PSEN1: variants seen among roughly 807,000 people sequenced by gnomAD.
The protein encoded by PSEN1 is presenilin-1.
A neutral mutation model predicts 53.5 loss-of-function variants in PSEN1; 15 were observed. The observed-to-expected ratio is 0.28, with a 90% CI of 0.19 to 0.43. The LOEUF (loss-of-function observed/expected upper bound fraction) is 0.43. Ranked by LOEUF, PSEN1 falls within the 20% of genes least tolerant of loss-of-function variation. The probability of loss-of-function intolerance (pLI) is 1.00; values close to 1 mark genes in which losing one functional copy is unlikely to be tolerated. For missense variants in PSEN1, 387 were observed against 571.2 expected, an observed-to-expected ratio of 0.68 and a Z score of 3.29; for synonymous variants, 208 against 209.8, an observed-to-expected ratio of 0.99 and a Z score of 0.08.
At chr14:73,200,497 C>T (rs894432060) in intron 8 of PSEN1, among the ~76,000 whole-genome samples, 1 of 152,084 alleles carries the variant, frequency 6.6e-6, no homozygotes, top group Non-Finnish European at 1.5e-5. Context: ...CTCAAGTGAT[C>T]CAACTGCCTC....
At chr14:73,204,808 G>A (rs148912177) in intron 8 of PSEN1, among the ~76,000 whole-genome samples, 2,219 of 152,090 alleles carry the variant, frequency 0.015, 46 homozygotes, top group African/African-American at 0.048. Flanking sequence ...AGGCTGAGGC[G>A]GGAGGATTGC....
chr14:73,174,748 A>G (rs1428901415), intron 5 of PSEN1, among the ~76,000 whole-genome samples: 1 of 152,190 alleles, frequency 6.6e-6, no homozygotes, highest in Non-Finnish European at 1.5e-5. Flanking sequence ...CACCTTGCCT[A>G]AACTGGTAGC....
intron 1 of PSEN1, among the ~76,000 whole-genome samples, chr14:73,140,641 G>C (rs1896899547): frequency 6.6e-6 from 1 of 151,882 alleles, no homozygotes; most frequent in Admixed American, 6.6e-5. Flanking sequence ...CTGCTTCTAA[G>C]ACCCTGTAGG....
chr14:73,201,756 A>AT (rs1899197435), intron 8 of PSEN1, among the ~76,000 whole-genome samples: 1 of 151,720 alleles, frequency 6.6e-6, no homozygotes, highest in Non-Finnish European at 1.5e-5. Flanking sequence ...TTATTTATTT[A>AT]TTTTTTTTGA....
chr14:73,176,025 T>C (rs1348559772), intron 5 of PSEN1, among the ~76,000 whole-genome samples: 1 of 152,270 alleles, frequency 6.6e-6, no homozygotes, highest in Non-Finnish European at 1.5e-5. Context: ...TTACTAGTAA[T>C]ATCACATACC....
chr14:73,184,425 TG>T, intron 5 of PSEN1, among the ~76,000 whole-genome samples: 1 of 105,942 alleles, frequency 9.4e-6, no homozygotes, highest in Non-Finnish European at 1.9e-5. Flanking sequence ...ACGGGGCGGC[TG>T]GCCTGGCAGA....
At chr14:73,182,053 C>A (rs971415507) in intron 5 of PSEN1, among the ~76,000 whole-genome samples, 1 of 152,132 alleles carries the variant, frequency 6.6e-6, no homozygotes, top group African/African-American at 2.4e-5. Context: ...GGATAACAGG[C>A]GTGAGCCACT....
chr14:73,183,123 TTTTTG>T (rs1898274708), intron 5 of PSEN1, among the ~76,000 whole-genome samples: 1 of 152,000 alleles, frequency 6.6e-6, no homozygotes, highest in South Asian at 2.1e-4. Flanking sequence ...CAGCTTACCT[TTTTTG>T]TTTTTTTGAG....
At chr14:73,136,715 G>A (rs111945130) in intron 1 of PSEN1, 132 bp downstream of exon 1, 2,050 of 152,474 alleles carry the variant, frequency 0.013, 24 homozygotes, top group Admixed American at 0.051. Context: ...GGGCGCGGCC[G>A]GTTGGGGCTG....
intron 9 of PSEN1, among the ~76,000 whole-genome samples, chr14:73,209,758 C>T (rs558169263): frequency 1.6e-4 from 25 of 152,230 alleles, no homozygotes; most frequent in African/African-American, 5.8e-4. Flanking sequence ...TAATAGGGGA[C>T]GGCCCGCTGA....
intron 3 of PSEN1, among the ~76,000 whole-genome samples, chr14:73,160,508 T>G (rs936655889): frequency 1.3e-5 from 2 of 152,222 alleles, no homozygotes; most frequent in Non-Finnish European, 2.9e-5. Context: ...CCATTTTACA[T>G]TCCCACCAAC....
chr14:73,178,960 G>C (rs778599229), intron 5 of PSEN1, among the ~76,000 whole-genome samples: 5 of 152,092 alleles, frequency 3.3e-5, no homozygotes, highest in Non-Finnish European at 7.4e-5. Context: ...CGGTTGTCAG[G>C]GTCGGTGTGT....
chr14:73,217,839 G>A (rs1371727697), intron 11 of PSEN1, among the ~76,000 whole-genome samples: 1 of 146,062 alleles, frequency 6.8e-6, no homozygotes, highest in African/African-American at 2.6e-5. Context: ...TGTCACCCAG[G>A]CTGGAGTGGT....
chr14:73,217,213 C>G lies in PSEN1; in HGVS notation c.1217C>G (p.Thr406Arg). 6.2e-7 allele frequency: 1 copy of G among 1,614,040 alleles called. No individual in the cohort carries two copies. Among genetic ancestry groups the G allele is most frequent in the Non-Finnish European group, 8.5e-7 (1 of 1,179,900 alleles). Residue 406 changes from threonine (T) to arginine (R), a missense_variant, in exon 11 of 12, where the codon ACA becomes AGA. Coordinates refer to ENST00000324501, the MANE Select transcript of PSEN1 (RefSeq NM_000021.4). ...GCAACAGCCAGTGGAGACTGGAACA[C>G]AACCATAGCCTGTTTCGTAGCCATA... ...ASATASGDWN[T>R]TIACFVAILI...
chr14:73,195,831 G>A (rs1898918304), intron 7 of PSEN1, among the ~76,000 whole-genome samples: 1 of 152,092 alleles, frequency 6.6e-6, no homozygotes, highest in African/African-American at 2.4e-5. Context: ...TTATATTTTT[G>A]TATAATCCTA....
intron 6 of PSEN1, among the ~76,000 whole-genome samples, chr14:73,189,495 C>T (rs560595334): frequency 1.2e-3 from 181 of 152,156 alleles, no homozygotes; most frequent in African/African-American, 4.2e-3. Context: ...GCCTGTAATT[C>T]CAGCTACTCT....
chr14:73,172,200 T>G (rs986719406), intron 4 of PSEN1, among the ~76,000 whole-genome samples: 3 of 152,208 alleles, frequency 2.0e-5, no homozygotes, highest in Non-Finnish European at 4.4e-5. Context: ...GAAAAATGCT[T>G]GATTCAAATG....
intron 1 of PSEN1, among the ~76,000 whole-genome samples, chr14:73,140,975 T>A (rs1167687725): frequency 2.0e-5 from 3 of 152,196 alleles, no homozygotes; most frequent in African/African-American, 7.2e-5. Flanking sequence ...GGGCCCAGGC[T>A]GAAGGGGCAG....
At chr14:73,216,125 C>G (rs998595569) in intron 10 of PSEN1, among the ~76,000 whole-genome samples, 9 of 152,302 alleles carry the variant, frequency 5.9e-5, no homozygotes, top group African/African-American at 2.2e-4. Context: ...TTCCAAGAAA[C>G]TGTAGACACA....
Sources: allele counts gnomAD v4.1 joint callset (sites outside exome capture counted in the v4.1 genomes callset), GRCh38; gene constraint gnomAD v4.1.1; transcripts MANE v1.5; gene names NCBI Gene and HGNC (gene_info 2026-07-23, HGNC 2026-07-21).